SIL1: variants seen among roughly 807,000 people sequenced by gnomAD.
SIL1 encodes the protein nucleotide exchange factor SIL1.
Under a neutral mutation model 49.1 loss-of-function variants are expected in SIL1, and 40 were observed. The observed-to-expected ratio is 0.81, with a 90% confidence interval of 0.63 to 1.06. SIL1 has a LOEUF of 1.06. Among genes scored for constraint, SIL1 ranks in the 50% least tolerant of loss-of-function variants. SIL1 has a pLI of 0.00. For missense variants in SIL1, 500 were observed against 572.6 expected (o/e 0.87, Z 1.29); for synonymous variants, 253 against 250.8 (o/e 1.01, Z -0.08).
intron 1 of SIL1, among the ~76,000 whole-genome samples, chr5:139,175,875 A>C (rs113198698): frequency 6.6e-6 from 1 of 152,346 alleles, no homozygotes; most frequent in African/African-American, 2.4e-5. Context: ...AGGCATGAGA[A>C]TCATTTGAAC....
intron 7 of SIL1, among the ~76,000 whole-genome samples, chr5:139,014,462 T>C (rs1277412992): frequency 6.6e-6 from 1 of 151,486 alleles, no homozygotes; most frequent in Non-Finnish European, 1.5e-5. Flanking sequence ...GAGAGTTATG[T>C]AAGGAAGAAA....
chr5:139,057,564 C>T (rs1769484148), intron 3 of SIL1, among the ~76,000 whole-genome samples: 1 of 151,978 alleles, frequency 6.6e-6, no homozygotes, highest in African/African-American at 2.4e-5. Context: ...AGCTTTGGCT[C>T]CTCAGAGGGG....
chr5:139,025,989 C>T (rs1218700765), intron 6 of SIL1, among the ~76,000 whole-genome samples: 1 of 152,106 alleles, frequency 6.6e-6, no homozygotes, highest in African/African-American at 2.4e-5. Flanking sequence ...CAGTAGTTTG[C>T]CATCCCCTGC....
chr5:139,055,763 C>T (rs1769398726), intron 3 of SIL1, among the ~76,000 whole-genome samples: 1 of 149,500 alleles, frequency 6.7e-6, no homozygotes, highest in Non-Finnish European at 1.5e-5. Flanking sequence ...CTCACTGCAA[C>T]CTCCCTGCCT....
chr5:139,176,955 CAG>C (rs1414189867), intron 1 of SIL1, among the ~76,000 whole-genome samples: 5 of 104,186 alleles, frequency 4.8e-5, no homozygotes, highest in Non-Finnish European at 7.3e-5. Flanking sequence ...TTTTTTGAGA[CAG>C]AGTCTCACTC....
intron 7 of SIL1, among the ~76,000 whole-genome samples, chr5:138,961,054 G>C (rs1358516188): frequency 6.6e-6 from 1 of 152,126 alleles, no homozygotes; most frequent in East Asian, 1.9e-4. Flanking sequence ...GGGGGAGGGA[G>C]GACTTAAGCA....
intron 1 of SIL1, among the ~76,000 whole-genome samples, chr5:139,162,095 CT>C (rs1392181737): frequency 6.6e-6 from 1 of 152,112 alleles, no homozygotes; most frequent in Non-Finnish European, 1.5e-5. Context: ...GTCTCTACAG[CT>C]CCCAAACATA....
intron 7 of SIL1, among the ~76,000 whole-genome samples, chr5:138,991,911 T>C (rs116072165): frequency 6.9e-4 from 105 of 152,354 alleles, no homozygotes; most frequent in African/African-American, 2.4e-3. Flanking sequence ...TTTAGAAGCA[T>C]GCTTACTCTA....
chr5:139,045,963 T>C (rs1227970540), intron 4 of SIL1, among the ~76,000 whole-genome samples: 1 of 152,210 alleles, frequency 6.6e-6, no homozygotes, highest in Non-Finnish European at 1.5e-5. Flanking sequence ...GACATCCTAA[T>C]TCTGTCTTCT....
intron 4 of SIL1, among the ~76,000 whole-genome samples, chr5:139,048,369 GTTTTTTTTTTTTTT>G (rs35482601): frequency 1.1e-5 from 1 of 87,760 alleles, no homozygotes; most frequent in African/African-American, 4.6e-5. Context: ...TTTGTTGTTG[GTTTTTTTTTTTTTT>G]TTTTTTTTTT....
intron 5 of SIL1, among the ~76,000 whole-genome samples, chr5:139,028,277 A>G (rs575862818): frequency 6.6e-6 from 1 of 152,250 alleles, no homozygotes; most frequent in South Asian, 2.1e-4. Flanking sequence ...AGGCAGGCAG[A>G]TCACGAGGTC....
At chr5:138,981,203 ACT>A (rs1461675671) in intron 7 of SIL1, among the ~76,000 whole-genome samples, 1 of 114,978 alleles carries the variant, frequency 8.7e-6, no homozygotes, top group Non-Finnish European at 1.7e-5. Context: ...ACAGAGTGAG[ACT>A]CTGTCTCCAA....
At chr5:139,154,502 T>C (rs555427096) in intron 1 of SIL1, among the ~76,000 whole-genome samples, 1 of 152,370 alleles carries the variant, frequency 6.6e-6, no homozygotes, top group East Asian at 1.9e-4. Context: ...CCAAGAGCCA[T>C]GTCTTCCACA....
At chr5:138,949,805 AAAAAAAAAAAAG>A (rs997812633) in intron 9 of SIL1, among the ~76,000 whole-genome samples, 2 of 132,070 alleles carry the variant, frequency 1.5e-5, no homozygotes, top group Non-Finnish European at 1.5e-5. Flanking sequence ...TCTCAAAAAA[AAAAAAAAAAAAG>A]AAAAAAGAAA....
intron 3 of SIL1, among the ~76,000 whole-genome samples, chr5:139,065,228 C>G (rs972345480): frequency 6.6e-6 from 1 of 152,214 alleles, no homozygotes; most frequent in Non-Finnish European, 1.5e-5. Context: ...GCCTGTACCA[C>G]ATCGAAAACA....
At chr5:139,021,081 A>C in intron 7 of SIL1, 90 bp downstream of exon 7, 1 of 1,554,016 alleles carries the variant, frequency 6.4e-7, no homozygotes. Flanking sequence ...CTGAAATGTC[A>C]GTAGCAACAG....
chr5:139,068,656 A>T (rs1238080154), intron 3 of SIL1, among the ~76,000 whole-genome samples: 6 of 90,490 alleles, frequency 6.6e-5, no homozygotes, highest in Non-Finnish European at 1.0e-4. Context: ...AATGAAAAGG[A>T]AAAAAAAAAA....
chr5:139,055,708 C>A (rs558611028), intron 3 of SIL1, among the ~76,000 whole-genome samples: 3 of 148,584 alleles, frequency 2.0e-5, no homozygotes, highest in Non-Finnish European at 4.5e-5. Flanking sequence ...CCACGGTCTC[C>A]CTCTGATGCC....
At chr5:139,167,485 T>C (rs896112168) in intron 1 of SIL1, among the ~76,000 whole-genome samples, 1 of 152,160 alleles carries the variant, frequency 6.6e-6, no homozygotes, top group Non-Finnish European at 1.5e-5. Flanking sequence ...ACAAAAAAAG[T>C]TTAAAAAGTA....
Sources: gnomAD v4.1 joint callset for allele counts (sites outside exome capture counted in the v4.1 genomes callset) on GRCh38, gnomAD v4.1.1 for gene constraint, MANE v1.5 for transcripts, NCBI Gene and HGNC (gene_info 2026-07-23, HGNC 2026-07-21) for gene names.